PRDM16: variants seen among roughly 807,000 people sequenced by gnomAD.
The protein encoded by PRDM16 is histone-lysine N-methyltransferase PRDM16.
PRDM16 carries 23 observed loss-of-function variants against 110.6 expected under a neutral mutation model. The ratio of observed to expected loss-of-function variants is 0.21; its 90% CI spans 0.15 to 0.29. PRDM16 has a LOEUF of 0.29. PRDM16 is among the 10% of genes least tolerant of loss of function. The pLI is 1.00. For synonymous variants in PRDM16, 799 were observed against 781.8 expected (o/e 1.02, Z -0.37); for missense variants, 1,615 against 1,794.3 (o/e 0.90, Z 1.81).
At chr1:3,178,288 G>A (rs1036884431) in intron 1 of PRDM16, among the ~76,000 whole-genome samples, 26 of 152,264 alleles carry the variant, frequency 1.7e-4, no homozygotes, top group Admixed American at 4.6e-4. Context: ...ACAGGTAAGG[G>A]GCGTCTCGAA....
intron 3 of PRDM16, among the ~76,000 whole-genome samples, chr1:3,369,689 T>C (rs16823663): frequency 0.041 from 6,198 of 152,264 alleles, 410 homozygotes; most frequent in African/African-American, 0.14. Context: ...GAAAAGCATG[T>C]CTCTCTCAAT....
intron 1 of PRDM16, among the ~76,000 whole-genome samples, chr1:3,105,772 G>A (rs1642638171): frequency 6.6e-6 from 1 of 152,262 alleles, no homozygotes. Flanking sequence ...CCCGCCCTGA[G>A]AACGGGGCTA....
chr1:3,171,020 G>T (rs1000369762), intron 1 of PRDM16, among the ~76,000 whole-genome samples: 2 of 152,238 alleles, frequency 1.3e-5, no homozygotes, highest in South Asian at 2.1e-4. Context: ...CAGTCCCTAA[G>T]GGAAGGCTGG....
At chr1:3,142,772 A>G (rs1183540101) in intron 1 of PRDM16, among the ~76,000 whole-genome samples, 1 of 152,036 alleles carries the variant, frequency 6.6e-6, no homozygotes, top group Non-Finnish European at 1.5e-5. Flanking sequence ...CTGCCCGCCA[A>G]GCTGTGAGGG....
intron 3 of PRDM16, among the ~76,000 whole-genome samples, chr1:3,289,727 G>A (rs1640930571): frequency 6.6e-6 from 1 of 152,220 alleles, no homozygotes; most frequent in Admixed American, 6.5e-5. Flanking sequence ...CAGCACGGAT[G>A]TGTCCATGGA....
At position 3,433,876 on chromosome 1, in the gene PRDM16, C is replaced by T. The variant is rs917408007; in HGVS notation, c.*65C>T. Reference sequence around the variant, plus strand: ...ACCAGCCACGAAGGACGGAGGCGGGCGGGGCCCCGGAGAACCCTGTCCCTG... The same window carrying T: ...ACCAGCCACGAAGGACGGAGGCGGGTGGGGCCCCGGAGAACCCTGTCCCTG... On this transcript the variant is annotated 3_prime_UTR_variant, in exon 17 of 17. Coordinates refer to ENST00000270722, the MANE Select transcript of PRDM16 (RefSeq NM_022114.4). 2.3e-5 allele frequency: 36 copies of T among 1,572,604 alleles called. 1 individual carries two copies. In the East Asian group the frequency reaches 2.9e-4, roughly 13 times the overall value.
At chr1:3,176,088 C>T (rs1644083301) in intron 1 of PRDM16, among the ~76,000 whole-genome samples, 1 of 152,344 alleles carries the variant, frequency 6.6e-6, no homozygotes, top group East Asian at 1.9e-4. Context: ...TCCATCCACC[C>T]ATTGATTCAC....
At position 3,339,295 on chromosome 1, in the gene PRDM16, C is replaced by T. The variant is rs1012448098; in HGVS notation, c.439-45857C>T. On this transcript the variant is annotated intron_variant, in intron 3 of 16. Transcript: ENST00000270722. This position sits in a 1 kb window ranked among gnomAD's most constrained non-coding sequence, Gnocchi z 5.0. ...CATCAAAGACAGACGTCCTGCTTGT[C>T]TCGGTATCCCTGGCCCTTGCCCAGG... is the stretch of plus-strand genomic sequence containing the variant. 6.6e-6 allele frequency among the ~76,000 whole-genome samples: 1 copy of T among 152,106 alleles called. No homozygotes were observed. Among genetic ancestry groups the T allele is most frequent in the Non-Finnish European group, 1.5e-5 (1 of 68,016 alleles).
At chr1:3,329,205 AGGCACAGCTGCCCAGCGGGCATG>A (rs1315680289) in intron 3 of PRDM16, among the ~76,000 whole-genome samples, 22 of 152,338 alleles carry the variant, frequency 1.4e-4, no homozygotes, top group Non-Finnish European at 2.6e-4. Context: ...GCCTTGGGCC[AGGCACAGCTGCCCAGCGGGCATG>A]GTGGTGTTCG....
chr1:3,118,584 G>C (rs970465359), intron 1 of PRDM16, among the ~76,000 whole-genome samples: 1 of 152,252 alleles, frequency 6.6e-6, no homozygotes, highest in South Asian at 2.1e-4. Flanking sequence ...CACCAGGAGA[G>C]GGGGAGGCAA....
chr1:3,166,966 G>A (rs1205823779), intron 1 of PRDM16, among the ~76,000 whole-genome samples: 3 of 152,166 alleles, frequency 2.0e-5, no homozygotes, highest in Non-Finnish European at 4.4e-5. Context: ...GCACTTGCTC[G>A]AGTACGCACG....
intron 1 of PRDM16, among the ~76,000 whole-genome samples, chr1:3,120,691 T>C (rs1214336019): frequency 6.6e-6 from 1 of 151,956 alleles, no homozygotes; most frequent in Non-Finnish European, 1.5e-5. Context: ...CCTTTCGCAG[T>C]GAAAGGCAGG....
intron 2 of PRDM16, among the ~76,000 whole-genome samples, chr1:3,225,574 G>GTGTGCGCGCGCA (rs1491529163): frequency 4.2e-4 from 57 of 135,200 alleles, no homozygotes; most frequent in African/African-American, 1.7e-3. Flanking sequence ...GTGTGTGTGT[G>GTGTGCGCGCGCA]CGCGCGCGCA....
chr1:3,433,481 T>A (rs1267643312), intron 16 of PRDM16, among the ~76,000 whole-genome samples, 196 bp from the exon 17 acceptor site: 24 of 148,186 alleles, frequency 1.6e-4, no homozygotes, highest in African/African-American at 5.7e-4. Flanking sequence ...CCTGCCCATC[T>A]GCTGCCTGTC....
intron 3 of PRDM16, among the ~76,000 whole-genome samples, chr1:3,363,611 A>G (rs1324247552): frequency 6.6e-6 from 1 of 152,130 alleles, no homozygotes; most frequent in African/African-American, 2.4e-5. Context: ...TTTCATGAGC[A>G]TGAAATTCAT....
At chr1:3,348,962 A>G (rs1162872813) in intron 3 of PRDM16, among the ~76,000 whole-genome samples, 1 of 151,692 alleles carries the variant, frequency 6.6e-6, no homozygotes, top group Non-Finnish European at 1.5e-5. Flanking sequence ...AGAAGGGTCC[A>G]CCGGGGCAGC....
intron 3 of PRDM16, among the ~76,000 whole-genome samples, chr1:3,372,258 G>T (rs1282077580): frequency 6.6e-6 from 1 of 152,274 alleles, no homozygotes; most frequent in Non-Finnish European, 1.5e-5. Context: ...TCCAACAAAG[G>T]AAAGTTCTGG....
chr1:3,187,303 C>G (rs1644281595), intron 2 of PRDM16, among the ~76,000 whole-genome samples: 1 of 152,316 alleles, frequency 6.6e-6, no homozygotes, highest in African/African-American at 2.4e-5. Context: ...TTTGGCAGGG[C>G]CCCTGCCTGG....
chr1:3,219,520 C>G (rs942090084), intron 2 of PRDM16, among the ~76,000 whole-genome samples: 2 of 152,124 alleles, frequency 1.3e-5, no homozygotes, highest in African/African-American at 4.8e-5. Flanking sequence ...GGCAGGCCCT[C>G]GGTAGGGCAG....
Sources: allele counts gnomAD v4.1 joint callset (sites outside exome capture counted in the v4.1 genomes callset), GRCh38; gene constraint gnomAD v4.1.1; non-coding constraint Gnocchi (gnomAD v3.1); transcripts MANE v1.5; gene names NCBI Gene and HGNC (gene_info 2026-07-23, HGNC 2026-07-21).